SOCS5: variants seen among roughly 807,000 people sequenced by gnomAD.
SOCS5 encodes the protein CIS-6.
Under a neutral mutation model 42.8 loss-of-function variants are expected in SOCS5, and 32 were observed. That is an observed-to-expected ratio of 0.75 (90% CI 0.56 to 1.01). The LOEUF is 1.01. Among genes scored for constraint, SOCS5 ranks in the 50% least tolerant of loss-of-function variants. SOCS5 has a pLI of 0.00. For missense variants in SOCS5, 627 were observed against 653.0 expected (o/e 0.96, Z 0.43); for synonymous variants, 283 against 229.6 (o/e 1.23, Z -2.10).
At chr2:46,742,517 C>T (rs865791539) in intron 1 of SOCS5, among the ~76,000 whole-genome samples, 32 of 151,858 alleles carry the variant, frequency 2.1e-4, no homozygotes, top group African/African-American at 7.5e-4. Context: ...TATCATTTAC[C>T]TTTGTTTATG....
At chr2:46,756,343 T>C (rs1429325108) in intron 1 of SOCS5, among the ~76,000 whole-genome samples, 10 of 152,208 alleles carry the variant, frequency 6.6e-5, no homozygotes, top group Admixed American at 6.5e-4. Context: ...CAGTAAACTT[T>C]TTCTGAAAGG....
At chr2:46,736,054 C>G (rs1378662103) in intron 1 of SOCS5, among the ~76,000 whole-genome samples, 1 of 151,368 alleles carries the variant, frequency 6.6e-6, no homozygotes, top group African/African-American at 2.4e-5. Context: ...CTCTCCCTCC[C>G]TCTTTTGAGA....
chr2:46,728,917 A>G (rs1673052659), intron 1 of SOCS5, among the ~76,000 whole-genome samples: 1 of 152,158 alleles, frequency 6.6e-6, no homozygotes, highest in African/African-American at 2.4e-5. Flanking sequence ...TGGTTCTCAA[A>G]GTGTGGTACC....
chr2:46,704,087 C>G (rs937956268), intron 1 of SOCS5, among the ~76,000 whole-genome samples: 1 of 152,044 alleles, frequency 6.6e-6, no homozygotes, highest in African/African-American at 2.4e-5. Flanking sequence ...TGCTTAACAC[C>G]AAAATTAAAT....
intron 1 of SOCS5, among the ~76,000 whole-genome samples, chr2:46,704,708 C>G (rs1480895681): frequency 1.3e-5 from 2 of 152,146 alleles, no homozygotes; most frequent in East Asian, 3.9e-4. Flanking sequence ...AGTAGTTGGC[C>G]TCTTATCCTT....
intron 1 of SOCS5, among the ~76,000 whole-genome samples, chr2:46,719,395 A>T (rs1356518887): frequency 2.6e-5 from 4 of 152,216 alleles, no homozygotes; most frequent in Non-Finnish European, 5.9e-5. Context: ...ATAGTTTAAA[A>T]TTATGAGTTT....
intron 1 of SOCS5, among the ~76,000 whole-genome samples, chr2:46,756,346 C>T (rs557187921): frequency 6.6e-6 from 1 of 152,100 alleles, no homozygotes; most frequent in African/African-American, 2.4e-5. Flanking sequence ...TAAACTTTTT[C>T]TGAAAGGGGC....
At position 46,761,895 on chromosome 2, in the gene SOCS5, C is replaced by T. The variant is rs1673878632; in HGVS notation, c.*1754C>T. 6.0e-6 allele frequency: 1 copy of T among 166,870 alleles called. No individual in the cohort carries two copies. Among genetic ancestry groups the T allele is most frequent in the African/African-American group, 2.4e-5 (1 of 41,432 alleles). 10.3% of individuals were successfully genotyped at this position (166,870 alleles called of 1,614,324 possible). A position where few individuals can be genotyped will look rare whatever the true frequency, so the allele number is the denominator to read the frequency against. ...AGAAGTAATAAACCTATTGATTTCT[C>T]TGCTTATAAATGAAAGATTGAAACT... On this transcript the variant is annotated 3_prime_UTR_variant, in exon 2 of 2. Transcript: ENST00000394861.
chr2:46,711,882 C>T (rs372261096), intron 1 of SOCS5, among the ~76,000 whole-genome samples: 17 of 152,146 alleles, frequency 1.1e-4, no homozygotes, highest in Non-Finnish European at 2.2e-4. Flanking sequence ...CTTGTTAAAG[C>T]GCAGTTAATG....
In SOCS5 at chr2:46,762,605, T is replaced by G. The variant is rs1572851167; in HGVS notation, c.*2464T>G. ...TAATATGCAATTTTTGGTTTAAATTTTTGTCTTAAAATATTAGTGGCTTAC... is the reference window on the plus strand; with the variant it reads ...TAATATGCAATTTTTGGTTTAAATTGTTGTCTTAAAATATTAGTGGCTTAC... On this transcript the variant is annotated 3_prime_UTR_variant, in exon 2 of 2. Transcript: ENST00000394861. 1 of 166,040 alleles carries G rather than the reference T, an allele frequency of 6.0e-6. No individual in the cohort carries two copies. The allele number at this position is 166,040 out of a possible 1,614,324, so 10.3% of individuals were successfully genotyped here. A position where few individuals can be genotyped will look rare whatever the true frequency, so the allele number is the denominator to read the frequency against.
intron 1 of SOCS5, among the ~76,000 whole-genome samples, chr2:46,713,400 G>T (rs1428667801): frequency 6.6e-6 from 1 of 152,054 alleles, no homozygotes; most frequent in East Asian, 1.9e-4. Context: ...TCTTTTTTAT[G>T]TCTGTTTTGG....
At chr2:46,743,714 A>G (rs1673428849) in intron 1 of SOCS5, among the ~76,000 whole-genome samples, 1 of 152,168 alleles carries the variant, frequency 6.6e-6, no homozygotes. Flanking sequence ...TGGCAAACAT[A>G]TGTATACTTG....
chr2:46,710,119 G>A (rs757979629), intron 1 of SOCS5, among the ~76,000 whole-genome samples: 2 of 152,032 alleles, frequency 1.3e-5, no homozygotes, highest in African/African-American at 2.4e-5. Flanking sequence ...TAGAATTTCA[G>A]TTTTTGGTGG....
rs1320071898 is a variant in SOCS5, at chr2:46,761,037, T to C, written c.*896T>C. On this transcript the variant is annotated 3_prime_UTR_variant, in exon 2 of 2. Coordinates refer to ENST00000394861, the MANE Select transcript of SOCS5 (RefSeq NM_144949.3). ...TAATAGTAACTACAATGGTTGCTGA[T>C]GTTGAGATTATTGTTGAACTATAAT... The C allele has an allele frequency of 6.0e-6, 1 of 167,100 alleles. No homozygotes were observed. Among genetic ancestry groups the C allele is most frequent in the Non-Finnish European group, 1.5e-5 (1 of 68,122 alleles). 10.4% of individuals were successfully genotyped at this position (167,100 alleles called of 1,614,324 possible).
Position 46,762,847 on chromosome 2 carries a change from A to G in SOCS5, c.*2706A>G, listed in dbSNP as rs1248929336. ...GAAAAGGTTGCTTTGATTTGTACCC[A>G]TTCTCATTCATTTTCTTCATTCCCT... On this transcript the variant is annotated 3_prime_UTR_variant, in exon 2 of 2. Coordinates refer to ENST00000394861, the MANE Select transcript of SOCS5 (RefSeq NM_144949.3). 2 of 166,164 alleles carry G rather than the reference A, an allele frequency of 1.2e-5. No homozygotes were observed. Among genetic ancestry groups the G allele is most frequent in the South Asian group, 2.1e-4 (1 of 4,838 alleles). The allele number at this position is 166,164 out of a possible 1,614,324, so 10.3% of individuals were successfully genotyped here.
In SOCS5 at chr2:46,763,083, T is replaced by C. The variant is rs1673910755; in HGVS notation, c.*2942T>C. ...TATTATCTGCACTAAAAGTTTAGCC[T>C]TGCTACTTTAGCCTTGTTTATAATA... is the stretch of plus-strand genomic sequence containing the variant. On this transcript the variant is annotated 3_prime_UTR_variant, in exon 2 of 2. Transcript: ENST00000394861. 1 of 167,140 alleles carries C rather than the reference T, an allele frequency of 6.0e-6. No homozygotes were observed. The highest frequency in any genetic ancestry group is 1.5e-5 in the Non-Finnish European group (1 of 68,132). 10.4% of individuals were successfully genotyped at this position (167,140 alleles called of 1,614,324 possible). A position where few individuals can be genotyped will look rare whatever the true frequency, so the allele number is the denominator to read the frequency against.
intron 1 of SOCS5, among the ~76,000 whole-genome samples, chr2:46,758,294 G>C (rs1371983367): frequency 6.6e-6 from 1 of 152,186 alleles, no homozygotes; most frequent in Non-Finnish European, 1.5e-5. Context: ...GAAAGGACTT[G>C]GGAAGTAATG....
intron 1 of SOCS5, among the ~76,000 whole-genome samples, chr2:46,718,194 C>T (rs746886950): frequency 1.3e-5 from 2 of 152,232 alleles, no homozygotes; most frequent in East Asian, 3.9e-4. Flanking sequence ...GAATCACAAT[C>T]CTGTGCTGCC....
chr2:46,754,532 T>C (rs949365630), intron 1 of SOCS5, among the ~76,000 whole-genome samples: 7 of 152,058 alleles, frequency 4.6e-5, no homozygotes, highest in Non-Finnish European at 1.0e-4. Context: ...CTAACATAAC[T>C]AAAAGTGTAA....
Sources: gnomAD v4.1 joint callset for allele counts (sites outside exome capture counted in the v4.1 genomes callset) on GRCh38, gnomAD v4.1.1 for gene constraint, MANE v1.5 for transcripts, NCBI Gene and HGNC (gene_info 2026-07-23, HGNC 2026-07-21) for gene names.